The following CIT variants were observed in gnomAD, a reference collection of about 807,000 sequenced individuals.
CIT encodes the protein citron rho-interacting serine/threonine kinase.
CIT carries 79 observed loss-of-function variants against 272.7 expected under a neutral mutation model. That is an observed-to-expected ratio of 0.29 (90% CI 0.24 to 0.35). The LOEUF (loss-of-function observed/expected upper bound fraction) is 0.35. Among genes scored for constraint, CIT ranks in the 10% least tolerant of loss-of-function variants. The pLI, the probability that CIT is intolerant of heterozygous loss-of-function variation, is 1.00. For missense variants in CIT, 1,909 were observed against 2,618.3 expected (o/e 0.73, Z 5.91); for synonymous variants, 948 against 995.6 (o/e 0.95, Z 0.90).
At chr12:119,724,977 T>G (rs1958013220) in intron 28 of CIT, among the ~76,000 whole-genome samples, 1 of 148,942 alleles carries the variant, frequency 6.7e-6, no homozygotes, top group Non-Finnish European at 1.5e-5. Flanking sequence ...TGAGAAAGCT[T>G]CTGAAGCCAT....
At chr12:119,706,083 CTG>C (rs1172164490) in intron 40 of CIT, among the ~76,000 whole-genome samples, 7 of 137,870 alleles carry the variant, frequency 5.1e-5, no homozygotes, top group African/African-American at 6.1e-5. Context: ...GAGCAAGACT[CTG>C]TGTCAAAAAA....
chr12:119,786,287 A>AT (rs1358048782), intron 10 of CIT, among the ~76,000 whole-genome samples: 1 of 152,180 alleles, frequency 6.6e-6, no homozygotes, highest in Non-Finnish European at 1.5e-5. Flanking sequence ...ATATCACAAA[A>AT]ATAACATAGG....
chr12:119,835,351 G>C (rs1358603310), intron 5 of CIT, among the ~76,000 whole-genome samples: 1 of 152,106 alleles, frequency 6.6e-6, no homozygotes, highest in African/African-American at 2.4e-5. Flanking sequence ...GGAGGGCCTG[G>C]CACAGTGCCT....
At chr12:119,742,194 A>G (rs946099397) in intron 24 of CIT, among the ~76,000 whole-genome samples, 2 of 152,174 alleles carry the variant, frequency 1.3e-5, no homozygotes, top group Non-Finnish European at 2.9e-5. Flanking sequence ...TCTTCCCCAA[A>G]ACATGAAGAA....
chr12:119,704,552 A>T, intron 40 of CIT, 97 bp from the exon 41 acceptor site: 1 of 1,030,678 alleles, frequency 9.7e-7, no homozygotes, highest in East Asian at 2.4e-5. Flanking sequence ...GCCATTGATG[A>T]TTCAGACCAG....
intron 10 of CIT, among the ~76,000 whole-genome samples, chr12:119,800,704 G>GA (rs1308511881): frequency 3.3e-5 from 5 of 152,196 alleles, no homozygotes; most frequent in African/African-American, 1.2e-4. Context: ...GGTGAGAAAA[G>GA]AAAAAGAAAC....
At chr12:119,872,650 G>T (rs1006911345) in intron 2 of CIT, among the ~76,000 whole-genome samples, 1 of 152,212 alleles carries the variant, frequency 6.6e-6, no homozygotes, top group African/African-American at 2.4e-5. Context: ...GTGCACAGGT[G>T]CTGTGGCCCA....
At chr12:119,764,730 C>T (rs1350923942) in intron 19 of CIT, among the ~76,000 whole-genome samples, 1 of 151,872 alleles carries the variant, frequency 6.6e-6, no homozygotes, top group Non-Finnish European at 1.5e-5. Context: ...AAATGTAGCA[C>T]AAAGAAACAA....
In CIT at chr12:119,712,970, T is replaced by C; in HGVS notation, c.4579+233A>G. On this transcript the variant is annotated intron_variant, in intron 35 of 47. Transcript: ENST00000392521. This position sits in a 1 kb window ranked among gnomAD's most constrained non-coding sequence, Gnocchi z 5.2. ...CTGAGGCAGAAGTTCTCGGAAGGTG[T>C]ATTAGCAGGTGGAATCTTCAGGGCA... 1 of 588,474 alleles carries C rather than the reference T, an allele frequency of 1.7e-6. No individual in the cohort carries two copies. Among genetic ancestry groups the C allele is most frequent in the East Asian group, 2.9e-5 (1 of 35,068 alleles). 36.5% of individuals were successfully genotyped at this position (588,474 alleles called of 1,614,324 possible).
At chr12:119,781,878 T>C (rs1321101973) in intron 13 of CIT, among the ~76,000 whole-genome samples, 1 of 152,226 alleles carries the variant, frequency 6.6e-6, no homozygotes, top group Non-Finnish European at 1.5e-5. Flanking sequence ...TGAGAAGCTA[T>C]TAAAACATTT....
At chr12:119,767,335 C>A (rs1021458218) in intron 18 of CIT, among the ~76,000 whole-genome samples, 153 bp from the exon 19 acceptor site, 3 of 152,200 alleles carry the variant, frequency 2.0e-5, no homozygotes, top group African/African-American at 7.2e-5. Flanking sequence ...GGGAAGGAAA[C>A]CACCACGCCT....
chr12:119,776,202 T>C (rs1299357179), intron 15 of CIT, among the ~76,000 whole-genome samples, 156 bp downstream of exon 15: 2 of 152,250 alleles, frequency 1.3e-5, no homozygotes, highest in Non-Finnish European at 2.9e-5. Flanking sequence ...AAGTCATATG[T>C]GGTCACCCAA....
chr12:119,802,048 C>T (rs1421675489), intron 10 of CIT, among the ~76,000 whole-genome samples: 1 of 152,096 alleles, frequency 6.6e-6, no homozygotes, highest in African/African-American at 2.4e-5. Flanking sequence ...AAAATAGCAC[C>T]CATAGGGAGA....
chr12:119,852,440 G>A (rs549893401), intron 4 of CIT, among the ~76,000 whole-genome samples: 9 of 152,300 alleles, frequency 5.9e-5, no homozygotes, highest in Non-Finnish European at 1.2e-4. Flanking sequence ...GGAGCCAGGT[G>A]TGGTGGCTCA....
In CIT at chr12:119,784,854, C is replaced by T. The variant is rs529918595; in HGVS notation, c.1401+106G>A. 8.4e-5 allele frequency: 126 copies of T among 1,504,484 alleles called. No homozygotes were observed. Among genetic ancestry groups the T allele is most frequent in the Non-Finnish European group, 9.5e-5 (107 of 1,127,200 alleles). 93.2% of individuals were successfully genotyped at this position (1,504,484 alleles called of 1,614,324 possible). A position where few individuals can be genotyped will look rare whatever the true frequency, so the allele number is the denominator to read the frequency against. On this transcript the variant is annotated intron_variant, in intron 11 of 47. Coordinates refer to ENST00000392521, the MANE Select transcript of CIT (RefSeq NM_001206999.2). The surrounding 1 kb of genome is among the most constrained non-coding windows in gnomAD (Gnocchi z 4.7). ...GAAGGCAGGAGCGCCTCACTCTCTA[C>T]GGATCAGGCGGCTCAGAGCCAGCAG...
chr12:119,848,011 AC>A (rs1969940537), intron 5 of CIT, among the ~76,000 whole-genome samples: 1 of 152,224 alleles, frequency 6.6e-6, no homozygotes, highest in Non-Finnish European at 1.5e-5. Context: ...ATGTCCTGGA[AC>A]ACCAGCAACC....
At chr12:119,758,760 C>A (rs1354598663) in intron 20 of CIT, 60 bp from the exon 21 acceptor site, 4 of 1,116,004 alleles carry the variant, frequency 3.6e-6, no homozygotes, top group Admixed American at 1.7e-5. Flanking sequence ...AGGGGCAGTG[C>A]GGGCCAGGGT....
chr12:119,875,358 T>A (rs974577022), intron 2 of CIT, among the ~76,000 whole-genome samples: 1 of 152,222 alleles, frequency 6.6e-6, no homozygotes, highest in African/African-American at 2.4e-5. Context: ...GTGTAAAGTG[T>A]GAGAAATATG....
At chr12:119,800,433 G>A (rs1339169049) in intron 10 of CIT, among the ~76,000 whole-genome samples, 3 of 152,208 alleles carry the variant, frequency 2.0e-5, no homozygotes, top group Non-Finnish European at 4.4e-5. Context: ...CTTAAAAATA[G>A]TCTGGGGTCC....
Sources: gnomAD v4.1 joint callset for allele counts (sites outside exome capture counted in the v4.1 genomes callset) on GRCh38, gnomAD v4.1.1 for gene constraint, Gnocchi (gnomAD v3.1) non-coding constraint, MANE v1.5 for transcripts, NCBI Gene and HGNC (gene_info 2026-07-23, HGNC 2026-07-21) for gene names.